SPAG16: variants seen among roughly 807,000 people sequenced by gnomAD.
SPAG16 encodes the protein sperm associated antigen 16.
Under a neutral mutation model 80.4 loss-of-function variants are expected in SPAG16, and 86 were observed. The observed-to-expected ratio is 1.07, with a 90% CI of 0.90 to 1.28. The LOEUF (loss-of-function observed/expected upper bound fraction) is 1.28. Among genes scored for constraint, SPAG16 ranks in the 50% most tolerant of loss-of-function variants. The probability of loss-of-function intolerance (pLI) is 0.00; values close to 1 mark genes in which losing one functional copy is unlikely to be tolerated. For synonymous variants in SPAG16, 294 were observed against 265.9 expected, an observed-to-expected ratio of 1.11 and a Z score of -1.03; for missense variants, 870 against 765.3, an observed-to-expected ratio of 1.14 and a Z score of -1.61.
chr2:214,229,729 T>C (rs962879285), intron 15 of SPAG16, among the ~76,000 whole-genome samples: 7 of 151,836 alleles, frequency 4.6e-5, no homozygotes, highest in African/African-American at 7.2e-5. Flanking sequence ...AAAAGGTGAC[T>C]TGATGCCCCT....
chr2:214,122,830 G>A (rs2054287689), intron 14 of SPAG16, among the ~76,000 whole-genome samples: 1 of 151,772 alleles, frequency 6.6e-6, no homozygotes, highest in Non-Finnish European at 1.5e-5. Context: ...AGCAGGTTCT[G>A]TCTATCCAAG....
At chr2:214,050,941 T>C (rs1356021351) in intron 13 of SPAG16, among the ~76,000 whole-genome samples, 1 of 152,188 alleles carries the variant, frequency 6.6e-6, no homozygotes, top group East Asian at 1.9e-4. Flanking sequence ...CTCTCCAACA[T>C]TATCGTTGAG....
intron 14 of SPAG16, among the ~76,000 whole-genome samples, chr2:214,125,051 T>C (rs2054406840): frequency 6.6e-6 from 1 of 151,804 alleles, no homozygotes; most frequent in Admixed American, 6.7e-5. Context: ...TTTTCTTTTT[T>C]TTTAAGATTT....
At chr2:214,284,071 A>C (rs1321583518) in intron 15 of SPAG16, among the ~76,000 whole-genome samples, 1 of 152,172 alleles carries the variant, frequency 6.6e-6, no homozygotes, top group African/African-American at 2.4e-5. Flanking sequence ...AGAAATAAGC[A>C]CTGTACATTC....
chr2:214,086,439 C>T (rs1294904733), intron 13 of SPAG16, among the ~76,000 whole-genome samples: 1 of 152,076 alleles, frequency 6.6e-6, no homozygotes, highest in African/African-American at 2.4e-5. Flanking sequence ...ATTGTAATCC[C>T]CATGTGTTGG....
intron 11 of SPAG16, among the ~76,000 whole-genome samples, chr2:213,908,583 G>A (rs567581491): frequency 1.3e-5 from 2 of 152,156 alleles, no homozygotes; most frequent in South Asian, 2.1e-4. Context: ...CATTCGACGA[G>A]AATTCATAAT....
At chr2:214,157,622 G>T (rs1284096338) in intron 15 of SPAG16, among the ~76,000 whole-genome samples, 1 of 151,994 alleles carries the variant, frequency 6.6e-6, no homozygotes, top group Admixed American at 6.6e-5. Context: ...TTTGTATAAT[G>T]TCCATTCTGA....
At chr2:214,085,659 C>T (rs1205000294) in intron 13 of SPAG16, among the ~76,000 whole-genome samples, 1 of 152,134 alleles carries the variant, frequency 6.6e-6, no homozygotes, top group African/African-American at 2.4e-5. Context: ...GGTTTAGTAG[C>T]TCATTACCTT....
At chr2:214,065,358 G>A (rs535485585) in intron 13 of SPAG16, among the ~76,000 whole-genome samples, 49 of 152,118 alleles carry the variant, frequency 3.2e-4, no homozygotes, top group Admixed American at 2.6e-3. Context: ...ATATGGTATC[G>A]CATCACAATA....
chr2:214,006,159 C>T (rs956025396), intron 12 of SPAG16, among the ~76,000 whole-genome samples: 1 of 152,030 alleles, frequency 6.6e-6, no homozygotes, highest in African/African-American at 2.4e-5. Flanking sequence ...TTGCTACTGT[C>T]TTTATATCAA....
chr2:213,887,522 TA>T (rs2076607447), intron 11 of SPAG16, among the ~76,000 whole-genome samples: 1 of 151,906 alleles, frequency 6.6e-6, no homozygotes. Flanking sequence ...ATGAAACATG[TA>T]ATTTAAAAAA....
intron 15 of SPAG16, among the ~76,000 whole-genome samples, chr2:214,310,633 G>A (rs1695232615): frequency 6.6e-6 from 1 of 152,162 alleles, no homozygotes; most frequent in Non-Finnish European, 1.5e-5. Context: ...AGGTTTCCAG[G>A]GTGGTAAAGA....
intron 13 of SPAG16, among the ~76,000 whole-genome samples, chr2:214,064,819 G>C (rs16851360): frequency 0.16 from 23,639 of 151,838 alleles, 1,866 homozygotes; most frequent in East Asian, 0.17. Flanking sequence ...TTTGTGTTTT[G>C]TACAAGTTAA....
At chr2:213,864,480 A>G (rs2075607124) in intron 11 of SPAG16, among the ~76,000 whole-genome samples, 1 of 152,140 alleles carries the variant, frequency 6.6e-6, no homozygotes, top group African/African-American at 2.4e-5. Context: ...TATAGTCTTC[A>G]GAGTCCAGCT....
chr2:213,492,499 A>G (rs565849910), intron 10 of SPAG16, among the ~76,000 whole-genome samples: 72 of 152,116 alleles, frequency 4.7e-4, no homozygotes, highest in South Asian at 2.1e-3. Context: ...GCAGTGAGCC[A>G]AGATCGTGCC....
chr2:214,180,234 A>G (rs978360242), intron 15 of SPAG16, among the ~76,000 whole-genome samples: 7 of 151,616 alleles, frequency 4.6e-5, no homozygotes, highest in Admixed American at 2.0e-4. Context: ...TGTTTTATAC[A>G]TATGTTGAGG....
intron 15 of SPAG16, among the ~76,000 whole-genome samples, chr2:214,369,029 G>A (rs988281161): frequency 2.0e-5 from 3 of 151,750 alleles, no homozygotes; most frequent in Non-Finnish European, 2.9e-5. Flanking sequence ...ATTATTTCAC[G>A]TGCTGTTGCC....
rs927159518 is a variant in SPAG16 at position 213,965,085 on chromosome 2, T to G, written c.1400+34940T>G. Among the ~76,000 whole-genome samples, 7 of 152,268 alleles carry G rather than the reference T, an allele frequency of 4.6e-5. No homozygotes were observed. The East Asian group carries it at 1.2e-3, about 25-fold the overall frequency. ...GATTCTCCTTCCCCTACCCTGGACT[T>G]GTTTGTTTATTTGTTTAGTGGCTTG... is the stretch of plus-strand genomic sequence containing the variant. On this transcript the variant is annotated intron_variant, in intron 12 of 15. Transcript: ENST00000331683.
At chr2:213,417,629 A>G (rs555525465) in intron 9 of SPAG16, among the ~76,000 whole-genome samples, 1 of 152,308 alleles carries the variant, frequency 6.6e-6, no homozygotes, top group Non-Finnish European at 1.5e-5. Flanking sequence ...TAAATAGAAA[A>G]TACTATATTC....
Sources: gnomAD v4.1 joint callset for allele counts (sites outside exome capture counted in the v4.1 genomes callset) on GRCh38, gnomAD v4.1.1 for gene constraint, MANE v1.5 for transcripts, NCBI Gene and HGNC (gene_info 2026-07-23, HGNC 2026-07-21) for gene names.